Variants in SLC24A2 observed in about 807,000 individuals in gnomAD.
SLC24A2 encodes the protein sodium/potassium/calcium exchanger 2.
SLC24A2 carries 36 observed loss-of-function variants against 62.0 expected under a neutral mutation model. The ratio of observed to expected loss-of-function variants is 0.58; its 90% confidence interval spans 0.44 to 0.77. The LOEUF (loss-of-function observed/expected upper bound fraction) is 0.77. Among genes scored for constraint, SLC24A2 ranks in the 30% least tolerant of loss-of-function variants. The probability of loss-of-function intolerance (pLI) is 0.00; values close to 1 mark genes in which losing one functional copy is unlikely to be tolerated. For missense variants in SLC24A2, 846 were observed against 817.9 expected, an observed-to-expected ratio of 1.03 and a Z score of -0.42; for synonymous variants, 358 against 294.0, an observed-to-expected ratio of 1.22 and a Z score of -2.23.
the SLC24A2 span, among the ~76,000 whole-genome samples, chr9:20,097,469 G>A: frequency 6.6e-6 from 1 of 152,114 alleles, no homozygotes; most frequent in Non-Finnish European, 1.5e-5. Context: ...GATGTTGGGA[G>A]TCAATTTAAT....
At chr9:20,301,315 T>A in the SLC24A2 span, among the ~76,000 whole-genome samples, 3 of 152,080 alleles carry the variant, frequency 2.0e-5, no homozygotes, top group Admixed American at 2.0e-4. Flanking sequence ...GTCTGGGGAG[T>A]ACATTTTTTT....
At chr9:20,217,879 C>T in the SLC24A2 span, among the ~76,000 whole-genome samples, 1 of 152,166 alleles carries the variant, frequency 6.6e-6, no homozygotes, top group African/African-American at 2.4e-5. Flanking sequence ...TTCACTGGAG[C>T]TTTCAACATC....
intron 2 of SLC24A2, among the ~76,000 whole-genome samples, chr9:19,718,696 C>T (rs1012247299): frequency 7.9e-5 from 12 of 152,064 alleles, no homozygotes; most frequent in Non-Finnish European, 1.2e-4. Context: ...CACTGCATCA[C>T]GGACACTGAA....
At chr9:20,155,856 T>G in the SLC24A2 span, among the ~76,000 whole-genome samples, 1 of 151,858 alleles carries the variant, frequency 6.6e-6, no homozygotes, top group Non-Finnish European at 1.5e-5. Flanking sequence ...GACTTCAAAG[T>G]AATTAAAAAG....
the SLC24A2 span, among the ~76,000 whole-genome samples, chr9:19,930,150 G>T: frequency 1.7e-4 from 26 of 152,210 alleles, no homozygotes; most frequent in Non-Finnish European, 3.4e-4. Flanking sequence ...GTCTACAGTA[G>T]TATACAGTAA....
intron 10 of SLC24A2, 98 bp from the exon 11 acceptor site, chr9:19,516,500 G>T (rs533270663): frequency 4.2e-6 from 6 of 1,415,192 alleles, no homozygotes; most frequent in East Asian, 4.9e-5. Flanking sequence ...ACCTTCTCAG[G>T]AACTCTAAAC....
the SLC24A2 span, among the ~76,000 whole-genome samples, chr9:20,019,311 G>GAAA: frequency 6.1e-3 from 889 of 145,546 alleles, 15 homozygotes; most frequent in African/African-American, 0.023. Flanking sequence ...AAGAAAGAAA[G>GAAA]AAAGTGAGTG....
At chr9:20,030,433 T>C in the SLC24A2 span, among the ~76,000 whole-genome samples, 7 of 152,194 alleles carry the variant, frequency 4.6e-5, no homozygotes, top group Non-Finnish European at 7.4e-5. Context: ...AGAAAGGCAG[T>C]GTGAAAGTGC....
the SLC24A2 span, among the ~76,000 whole-genome samples, chr9:20,021,882 A>G: frequency 6.6e-6 from 1 of 152,110 alleles, no homozygotes; most frequent in Admixed American, 6.6e-5. Flanking sequence ...GCCCATGCCC[A>G]GCTCTTCAGT....
chr9:20,149,336 TTTTG>T, the SLC24A2 span, among the ~76,000 whole-genome samples: 4 of 152,000 alleles, frequency 2.6e-5, no homozygotes, highest in Non-Finnish European at 5.9e-5. Flanking sequence ...TGAGGAGACT[TTTTG>T]TTTTTGTTTT....
At chr9:19,707,604 G>A (rs1350163909) in intron 2 of SLC24A2, among the ~76,000 whole-genome samples, 4 of 152,130 alleles carry the variant, frequency 2.6e-5, no homozygotes, top group African/African-American at 4.8e-5. Context: ...TTCAACATAC[G>A]AAAATCAATA....
the SLC24A2 span, among the ~76,000 whole-genome samples, chr9:20,178,852 T>C: frequency 6.6e-6 from 1 of 152,160 alleles, no homozygotes; most frequent in Non-Finnish European, 1.5e-5. Flanking sequence ...AAAACTCAAG[T>C]GAGTCAGCAG....
chr9:19,668,629 T>C (rs1049979682), intron 2 of SLC24A2, among the ~76,000 whole-genome samples: 2 of 152,268 alleles, frequency 1.3e-5, no homozygotes, highest in East Asian at 1.9e-4. Flanking sequence ...GCCCTCAAAT[T>C]CCCAGGCTCA....
intron 7 of SLC24A2, among the ~76,000 whole-genome samples, chr9:19,566,803 C>G (rs891158014): frequency 1.3e-5 from 2 of 152,188 alleles, no homozygotes; most frequent in Non-Finnish European, 2.9e-5. Flanking sequence ...AGTTCATGTC[C>G]TTTGTAGGGA....
chr9:19,788,387 C>T (rs1434015492), intron 1 of SLC24A2: 40 of 507,102 alleles, frequency 7.9e-5, no homozygotes, highest in Non-Finnish European at 2.5e-6. Flanking sequence ...CCTCGCTCCC[C>T]CTGAAAACCC....
At chr9:19,682,254 G>C (rs1342897004) in intron 2 of SLC24A2, among the ~76,000 whole-genome samples, 1 of 152,130 alleles carries the variant, frequency 6.6e-6, no homozygotes, top group East Asian at 1.9e-4. Flanking sequence ...CAATGTCTAA[G>C]GCAGCACACG....
the SLC24A2 span, among the ~76,000 whole-genome samples, chr9:20,238,906 C>G: frequency 6.6e-6 from 1 of 152,260 alleles, no homozygotes; most frequent in African/African-American, 2.4e-5. Flanking sequence ...TCCTTCTCTC[C>G]CTATTCCTGT....
intron 2 of SLC24A2, among the ~76,000 whole-genome samples, chr9:19,635,242 T>G (rs1818281165): frequency 6.6e-6 from 1 of 152,220 alleles, no homozygotes; most frequent in African/African-American, 2.4e-5. Flanking sequence ...TTGTTGGAAT[T>G]AAAAATCTGT....
the SLC24A2 span, among the ~76,000 whole-genome samples, chr9:19,837,575 A>T: frequency 1.3e-5 from 2 of 151,024 alleles, no homozygotes; most frequent in South Asian, 2.1e-4. Flanking sequence ...CAGGGCAATC[A>T]GGCAGGAGAA....
Sources: gnomAD v4.1 joint callset for allele counts (sites outside exome capture counted in the v4.1 genomes callset) on GRCh38, gnomAD v4.1.1 for gene constraint, MANE v1.5 for transcripts, NCBI Gene and HGNC (gene_info 2026-07-23, HGNC 2026-07-21) for gene names.